Variants in PHLDB2 observed in about 807,000 individuals in gnomAD.
PHLDB2 encodes pleckstrin homology like domain family B member 2.
A neutral mutation model predicts 123.6 loss-of-function variants in PHLDB2; 71 were observed. That is an observed-to-expected ratio of 0.57 (90% CI 0.47 to 0.70). The LOEUF (loss-of-function observed/expected upper bound fraction) is 0.70, where lower values mean the gene tolerates loss of function less well. Among genes scored for constraint, PHLDB2 ranks in the 30% least tolerant of loss-of-function variants. PHLDB2 has a pLI of 0.00. For missense variants in PHLDB2, 1,446 were observed against 1,519.5 expected, an observed-to-expected ratio of 0.95 and a Z score of 0.80; for synonymous variants, 547 against 541.6, an observed-to-expected ratio of 1.01 and a Z score of -0.14.
chr3:111,810,781 T>C (rs2061801869), intron 1 of PHLDB2, among the ~76,000 whole-genome samples: 1 of 152,218 alleles, frequency 6.6e-6, no homozygotes, highest in Non-Finnish European at 1.5e-5. Flanking sequence ...TAAAAATATG[T>C]CTTCCAAATG....
intron 1 of PHLDB2, among the ~76,000 whole-genome samples, chr3:111,882,769 T>G (rs1451218604): frequency 6.6e-6 from 1 of 152,084 alleles, no homozygotes; most frequent in Non-Finnish European, 1.5e-5. Flanking sequence ...ACAAAGTGTG[T>G]GAAGCTAAGC....
intron 16 of PHLDB2, among the ~76,000 whole-genome samples, chr3:111,970,749 G>A (rs1390657724): frequency 6.6e-6 from 1 of 152,060 alleles, no homozygotes; most frequent in Non-Finnish European, 1.5e-5. Flanking sequence ...AAAAAAGAGT[G>A]GTGTCATACC....
At chr3:111,814,050 AC>A (rs1224102601) in intron 1 of PHLDB2, among the ~76,000 whole-genome samples, 1 of 152,226 alleles carries the variant, frequency 6.6e-6, no homozygotes, top group Non-Finnish European at 1.5e-5. Context: ...TCCTTCAAAT[AC>A]CCAATTGCAG....
upstream of PHLDB2, among the ~76,000 whole-genome samples, chr3:111,858,412 T>C (rs1230436975): frequency 6.6e-6 from 1 of 152,158 alleles, no homozygotes; most frequent in Non-Finnish European, 1.5e-5. Flanking sequence ...ATGGCACATG[T>C]ATACCTGTGT....
intron 5 of PHLDB2, among the ~76,000 whole-genome samples, chr3:111,920,920 A>G (rs962988617): frequency 6.6e-6 from 1 of 152,174 alleles, no homozygotes; most frequent in Admixed American, 6.5e-5. Flanking sequence ...TTTTCAATGC[A>G]AGTGCACTGC....
rs1470306197 is a variant in PHLDB2 at position 111,884,840 on chromosome 3, T to C, written c.763T>C (p.Ser255Pro). The change falls in exon 2 of 18, where the codon TCA becomes CCA. Residue 255 changes from serine to proline, a missense_variant. Physicochemically the swap from Ser to Pro is moderately conservative, Grantham distance 74 (BLOSUM62 -1). Coordinates refer to ENST00000431670, the MANE Select transcript of PHLDB2 (RefSeq NM_001134438.2). ...GAGTCACATGGGAGCCTACAGCCGA[T>C]CACTTCCCAGGTTGTACAGAGCCAC... is the stretch of plus-strand genomic sequence containing the variant. ...SLSHMGAYSRSLPRLYRATEN... is the reference protein window; with the variant it reads ...SLSHMGAYSRPLPRLYRATEN... 1 of 1,614,064 alleles carries C rather than the reference T, an allele frequency of 6.2e-7. No individual in the cohort carries two copies. Among genetic ancestry groups the C allele is most frequent in the Non-Finnish European group, 8.5e-7 (1 of 1,180,010 alleles).
intron 1 of PHLDB2, among the ~76,000 whole-genome samples, chr3:111,830,959 A>G (rs149445637): frequency 0.043 from 1,313 of 30,480 alleles, 85 homozygotes; most frequent in South Asian, 0.11. Context: ...AAGAAAGAGA[A>G]AGAAAGAAAG....
At chr3:111,802,036 A>C (rs922529872) in intron 1 of PHLDB2, among the ~76,000 whole-genome samples, 8 of 152,258 alleles carry the variant, frequency 5.3e-5, no homozygotes, top group African/African-American at 2.4e-5. Context: ...CTCAATTTTT[A>C]GAATGTAAAA....
At chr3:111,793,742 C>T (rs1418885184) in intron 1 of PHLDB2, among the ~76,000 whole-genome samples, 3 of 151,722 alleles carry the variant, frequency 2.0e-5, no homozygotes, top group East Asian at 2.0e-4. Flanking sequence ...TGAATCCTTC[C>T]GGAACTGGAT....
rs111830866 is a variant in PHLDB2 at position 111,889,639 on chromosome 3, C to G, written c.1335+4227C>G. Among the ~76,000 whole-genome samples, 725 of 152,218 alleles carry G rather than the reference C, an allele frequency of 4.8e-3. 10 individuals carry two copies. The highest frequency in any genetic ancestry group is 0.017 in the African/African-American group (697 of 41,534). The stretch of plus-strand genomic sequence containing the variant: ...ATTGATTGAGCTCAGGAGATTGAGG[C>G]TGCAATGAGCCATGATCATGCCACT... On this transcript the variant is annotated intron_variant, in intron 2 of 17. Transcript: ENST00000431670.
intron 2 of PHLDB2, among the ~76,000 whole-genome samples, chr3:111,901,310 A>G (rs1215859613): frequency 1.3e-5 from 2 of 151,806 alleles, no homozygotes; most frequent in East Asian, 1.9e-4. Flanking sequence ...CAGTGAGCCA[A>G]GATCGCACCA....
exon 1 of PHLDB2, chr3:111,732,693 C>A: frequency 6.5e-7 from 1 of 1,535,320 alleles, no homozygotes; most frequent in Non-Finnish European, 8.7e-7. Context: ...GATTGAAAAG[C>A]AGCAGACAAG....
intron 1 of PHLDB2, among the ~76,000 whole-genome samples, chr3:111,753,325 T>C (rs1266957519): frequency 6.7e-6 from 1 of 150,348 alleles, no homozygotes; most frequent in African/African-American, 2.5e-5. Context: ...TTCCTGACTT[T>C]TTAATGATTG....
intron 3 of PHLDB2, 140 bp from the exon 4 acceptor site, chr3:111,918,932 G>T (rs568044005): frequency 3.6e-6 from 3 of 838,206 alleles, no homozygotes; most frequent in African/African-American, 3.4e-5. Flanking sequence ...AGCTCCAAGC[G>T]TGCAGTTGCA....
intron 1 of PHLDB2, among the ~76,000 whole-genome samples, chr3:111,806,797 T>G (rs2061609411): frequency 6.6e-6 from 1 of 152,002 alleles, no homozygotes; most frequent in African/African-American, 2.4e-5. Context: ...TTCTTTTTTT[T>G]TTTAATAACT....
chr3:111,951,041 A>G (rs1396653812), intron 10 of PHLDB2, among the ~76,000 whole-genome samples: 2 of 152,068 alleles, frequency 1.3e-5, no homozygotes, highest in East Asian at 3.8e-4. Context: ...TTTCTTTTCT[A>G]TTTTATTAAG....
intron 1 of PHLDB2, among the ~76,000 whole-genome samples, chr3:111,875,905 G>GT (rs1326345168): frequency 5.1e-4 from 77 of 150,968 alleles, no homozygotes; most frequent in African/African-American, 5.1e-4. Flanking sequence ...TGGTAAGTGA[G>GT]TTTTTTTTTC....
intron 1 of PHLDB2, among the ~76,000 whole-genome samples, chr3:111,745,686 C>T (rs1000642901): frequency 6.6e-6 from 1 of 152,014 alleles, no homozygotes; most frequent in African/African-American, 2.4e-5. Context: ...TGCTTGAGCC[C>T]AGGAGTTTGA....
intron 1 of PHLDB2, among the ~76,000 whole-genome samples, chr3:111,845,482 G>A (rs1018024272): frequency 6.0e-5 from 9 of 150,856 alleles, no homozygotes; most frequent in African/African-American, 1.5e-4. Context: ...TAGAAAATAA[G>A]CAGCAACATG....
Sources: allele counts gnomAD v4.1 joint callset (sites outside exome capture counted in the v4.1 genomes callset), GRCh38; gene constraint gnomAD v4.1.1; transcripts MANE v1.5; gene names NCBI Gene and HGNC (gene_info 2026-07-23, HGNC 2026-07-21).